UBR4: variants seen among roughly 807,000 people sequenced by gnomAD.
UBR4 encodes E3 ubiquitin-protein ligase UBR4.
Under a neutral mutation model 575.6 loss-of-function variants are expected in UBR4, and 124 were observed. The ratio of observed to expected loss-of-function variants is 0.22; its 90% confidence interval spans 0.19 to 0.25. The LOEUF (loss-of-function observed/expected upper bound fraction) is 0.25, where lower values mean the gene tolerates loss of function less well. Among genes scored for constraint, UBR4 ranks in the 10% least tolerant of loss-of-function variants. The pLI, the probability that UBR4 is intolerant of heterozygous loss-of-function variation, is 1.00. For missense variants in UBR4, 4,818 were observed against 6,478.8 expected, an observed-to-expected ratio of 0.74 and a Z score of 8.80; for synonymous variants, 2,455 against 2,473.7, an observed-to-expected ratio of 0.99 and a Z score of 0.22.
chr1:19,096,599 T>C lies in UBR4; in HGVS notation c.13442A>G (p.Gln4481Arg). Residue 4481 changes from glutamine (Q) to arginine (R), a missense_variant, in exon 92 of 106, where the codon CAG becomes CGG. By Grantham distance (43) the Gln-to-Arg change is conservative. Coordinates refer to ENST00000375254, the MANE Select transcript of UBR4 (RefSeq NM_020765.3). Reference sequence around the variant, plus strand: ...AAGCATGCATTCCAGGCCCCCACACTGGGCCATCACACCAGCCATTTTATA... The same window carrying C: ...AAGCATGCATTCCAGGCCCCCACACCGGGCCATCACACCAGCCATTTTATA... ...EVYKMAGVMA[Q>R]CGGLECMLNR... 2 of 1,613,826 alleles carry C rather than the reference T, an allele frequency of 1.2e-6. No homozygotes were observed. Among genetic ancestry groups the C allele is most frequent in the Non-Finnish European group, 1.7e-6 (2 of 1,179,924 alleles).
At position 19,165,343 on chromosome 1, in the gene UBR4, T is replaced by G. The variant is rs1470028836; in HGVS notation, c.4218A>C (p.Glu1406Asp). 5 of 1,612,600 alleles carry G rather than the reference T, an allele frequency of 3.1e-6. No homozygotes were observed. The highest frequency in any genetic ancestry group is 4.2e-6 in the Non-Finnish European group (5 of 1,179,476). The change falls in exon 31 of 106, where the codon GAA (glutamate) becomes GAC (aspartate). Residue 1406 changes from glutamate to aspartate, a missense_variant. By Grantham distance (45) the Glu-to-Asp change is conservative. Around this residue, in one of 29 missense-constraint regions of UBR4, gnomAD observed 1,172 missense variants for 1,259.7 expected, o/e 0.93. Transcript: ENST00000375254. ...AMEEFFSDSG[E>D]LVQIMMATAN... ...CTGTTGCCATCATGATCTGTACAAG[T>G]TCTCCACTGGGAGGCAAGATGGGAG...
chr1:19,093,228 A>G lies in UBR4; in HGVS notation c.14111+85T>C. The G allele has an allele frequency of 6.5e-7, 1 of 1,527,414 alleles. No individual in the cohort carries two copies. Among genetic ancestry groups the G allele is most frequent in the Non-Finnish European group, 8.9e-7 (1 of 1,126,110 alleles). 94.6% of individuals were successfully genotyped at this position (1,527,414 alleles called of 1,614,324 possible). A position where few individuals can be genotyped will look rare whatever the true frequency, so the allele number is the denominator to read the frequency against. On this transcript the variant is annotated intron_variant, in intron 96 of 105. Transcript: ENST00000375254. The surrounding 1 kb of genome is among the most constrained non-coding windows in gnomAD (Gnocchi z 4.8). ...CAAGGAGGGCAAGGGGCACACGTGA[A>G]GCTTTATGCCAAGATGCTGATGGAG...
rs534913520 is a variant in UBR4, at chr1:19,164,874, G to C, written c.4436C>G (p.Ser1479Cys). 2 of 1,614,188 alleles carry C rather than the reference G, an allele frequency of 1.2e-6. No homozygotes were observed. The highest frequency in any genetic ancestry group is 2.2e-5 in the South Asian group (2 of 91,078). ...TRMTTSPPKD[S>C]DQLDVIQENR... Reference sequence around the variant, plus strand: ...CTCCTGAATTACATCCAGCTGATCAGAATCTTTTGGGGGCGATGTAGTCAT... The same window carrying C: ...CTCCTGAATTACATCCAGCTGATCACAATCTTTTGGGGGCGATGTAGTCAT... The change falls in exon 32 of 106, where the codon TCT becomes TGT. Residue 1479 changes from serine to cysteine, a missense_variant. This residue lies in a region of UBR4 where 1,172 missense variants were observed against 1,259.7 expected (regional missense o/e 0.93). Coordinates refer to ENST00000375254, the MANE Select transcript of UBR4 (RefSeq NM_020765.3).
intron 27 of UBR4, among the ~76,000 whole-genome samples, chr1:19,168,539 G>A (rs1454895507): frequency 3.3e-5 from 5 of 152,036 alleles, no homozygotes; most frequent in Admixed American, 6.5e-5. Context: ...AGTTCTGGGT[G>A]GTGTAAACAG....
chr1:19,176,139 A>G (rs2090237030), intron 20 of UBR4, among the ~76,000 whole-genome samples: 1 of 147,928 alleles, frequency 6.8e-6, no homozygotes, highest in African/African-American at 2.5e-5. Flanking sequence ...CCCAGGCTGG[A>G]GTGCAGTGGT....
chr1:19,118,976 A>C lies in UBR4; in HGVS notation c.10456-19T>G. 6.2e-7 allele frequency: 1 copy of C among 1,611,940 alleles called. No homozygotes were observed. Among genetic ancestry groups the C allele is most frequent in the Non-Finnish European group, 8.5e-7 (1 of 1,178,004 alleles). On this transcript the variant is annotated intron_variant, in intron 70 of 105. Transcript: ENST00000375254. The stretch of plus-strand genomic sequence containing the variant: ...CCTTCAACTGAAACAGAATTCAGTA[A>C]AGAAACAACTTAAAGCCCAAGGTGA...
At chr1:19,193,379 A>G in intron 9 of UBR4, 54 bp downstream of exon 9, 1 of 1,596,290 alleles carries the variant, frequency 6.3e-7, no homozygotes. Flanking sequence ...GGAACTGGCC[A>G]TACTCCCTCA....
chr1:19,088,938 G>C lies in UBR4; in HGVS notation c.14251C>G (p.Leu4751Val). Reference sequence around the variant, plus strand: ...CCCTCATCACTGGACACCTGCTCCAGCTTATGCAGGTTCGGGATGGAATCA... The same window carrying C: ...CCCTCATCACTGGACACCTGCTCCACCTTATGCAGGTTCGGGATGGAATCA... Reference protein sequence around the residue: ...GTDSIPNLHKLEQVSSDEGIG... With the variant: ...GTDSIPNLHKVEQVSSDEGIG... The change falls in exon 98 of 106, where the codon CTG (leucine) becomes GTG (valine). Residue 4751 changes from leucine to valine, a missense_variant. Leu to Val is a conservative substitution (Grantham distance 32). Coordinates refer to ENST00000375254, the MANE Select transcript of UBR4 (RefSeq NM_020765.3). The surrounding 1 kb of genome is among the most constrained non-coding windows in gnomAD (Gnocchi z 4.0). 6.2e-7 allele frequency: 1 copy of C among 1,614,206 alleles called. No homozygotes were observed. The highest frequency in any genetic ancestry group is 8.5e-7 in the Non-Finnish European group (1 of 1,180,050).
chr1:19,120,185 G>C lies in UBR4; in HGVS notation c.10305C>G (p.Ile3435Met), dbSNP rs2081020207. Reference sequence around the variant, plus strand: ...AAACCAAGCCCTGGCCCTACCTGTAGATGTGCAGTGTCAGACAGTGGGCCT... The same window carrying C: ...AAACCAAGCCCTGGCCCTACCTGTACATGTGCAGTGTCAGACAGTGGGCCT... ...RWQAHCLTLH[I>M]YRNSSKSQQE... Residue 3435 changes from isoleucine (I) to methionine (M), a missense_variant, in exon 69 of 106, where the codon ATC (isoleucine) becomes ATG (methionine). Around this residue, in one of 29 missense-constraint regions of UBR4, gnomAD observed 550 missense variants for 791.5 expected, o/e 0.69. Transcript: ENST00000375254. 1.2e-6 allele frequency: 2 copies of C among 1,614,136 alleles called. No individual in the cohort carries two copies. Among genetic ancestry groups the C allele is most frequent in the Non-Finnish European group, 1.7e-6 (2 of 1,179,968 alleles).
At chr1:19,164,101 T>C (rs751909328) in intron 33 of UBR4, 152 bp downstream of exon 33, 3 of 856,416 alleles carry the variant, frequency 3.5e-6, no homozygotes, top group East Asian at 2.7e-5. Flanking sequence ...AAGTCTAAAG[T>C]GAACAGAGCT....
At chr1:19,082,009 C>T (rs1378331981) in intron 102 of UBR4, 4 of 574,856 alleles carry the variant, frequency 7.0e-6, no homozygotes, top group Non-Finnish European at 1.2e-5. Flanking sequence ...CTGGTGGGTC[C>T]ACAGCCTGAC....
At position 19,119,574 on chromosome 1, in the gene UBR4, G is replaced by A. The variant is rs754149289; in HGVS notation, c.10438C>T (p.Pro3480Ser). The A allele has an allele frequency of 1.2e-6, 2 of 1,613,388 alleles. No individual in the cohort carries two copies. Among genetic ancestry groups the A allele is most frequent in the African/African-American group, 1.3e-5 (1 of 74,916 alleles). The change falls in exon 70 of 106, where the codon CCA (proline) becomes TCA (serine). Residue 3480 changes from proline (P) to serine (S), a missense_variant. Physicochemically the swap from Pro to Ser is moderately conservative, Grantham distance 74 (BLOSUM62 -1). Transcript: ENST00000375254. ...DLLGYFSLKT[P>S]QTEKKLKEYS... ...ACTGTTACCTTCTTCTCTGTTTGTG[G>A]AGTTTTCAGGGAGAAATATCCTAGT...
At chr1:19,128,670 A>G (rs1270831247) in intron 61 of UBR4, among the ~76,000 whole-genome samples, 1 of 152,258 alleles carries the variant, frequency 6.6e-6, no homozygotes, top group Non-Finnish European at 1.5e-5. Context: ...AGTGAGTGGA[A>G]GAACAGCTAT....
chr1:19,204,602 T>C (rs1349857243), intron 1 of UBR4, among the ~76,000 whole-genome samples: 2 of 152,044 alleles, frequency 1.3e-5, no homozygotes, highest in Non-Finnish European at 2.9e-5. Context: ...TGTGATCTAA[T>C]GAACCCAACT....
Position 19,196,128 on chromosome 1 carries a change from G to A in UBR4, c.1018+1013C>T, listed in dbSNP as rs542051025. ...ACCTGACTTAAGATTCAACATCAGA[G>A]CTCCTTCATGATTACTGCCTTTCTC... On this transcript the variant is annotated intron_variant, in intron 8 of 105. Coordinates refer to ENST00000375254, the MANE Select transcript of UBR4 (RefSeq NM_020765.3). 2.0e-5 allele frequency among the ~76,000 whole-genome samples: 3 copies of A among 152,184 alleles called. No homozygotes were observed. In the South Asian group the frequency reaches 6.2e-4, roughly 32 times the overall value.
chr1:19,077,844 G>A (rs2076103439), intron 104 of UBR4, 132 bp downstream of exon 104: 6 of 1,555,356 alleles, frequency 3.9e-6, no homozygotes, highest in South Asian at 1.2e-5. Flanking sequence ...GGGGTTGTTT[G>A]TTTCTAGGAA....
At chr1:19,085,221 T>A (rs2076894995) in intron 101 of UBR4, among the ~76,000 whole-genome samples, 1 of 152,252 alleles carries the variant, frequency 6.6e-6, no homozygotes, top group Admixed American at 6.5e-5. Flanking sequence ...CTGTACAATG[T>A]ATACAAGAAT....
chr1:19,081,658 CGTT>C lies in UBR4; in HGVS notation c.15009-88_15009-86del, dbSNP rs550567873. Reference sequence around the variant, plus strand: ...AGCAGGAAGAATTTGCTCAATTTGTCGTTGTCTTGTGACATTTGCTGAACGCTT... The same window carrying C: ...AGCAGGAAGAATTTGCTCAATTTGTCGTCTTGTGACATTTGCTGAACGCTT... On this transcript the variant is annotated intron_variant, in intron 102 of 105. Coordinates refer to ENST00000375254, the MANE Select transcript of UBR4 (RefSeq NM_020765.3). The C allele has an allele frequency of 1.1e-3, 1,609 of 1,468,796 alleles. 1 individual carries two copies. The highest frequency in any genetic ancestry group is 1.4e-3 in the Non-Finnish European group (1,478 of 1,047,840). 91.0% of individuals were successfully genotyped at this position (1,468,796 alleles called of 1,614,324 possible).
chr1:19,143,008 G>A (rs2084149292), intron 55 of UBR4, among the ~76,000 whole-genome samples: 2 of 151,604 alleles, frequency 1.3e-5, no homozygotes, highest in Admixed American at 1.3e-4. Context: ...TATAATCCCA[G>A]CTACTAGGGA....
Sources: allele counts gnomAD v4.1 joint callset (sites outside exome capture counted in the v4.1 genomes callset), GRCh38; gene constraint gnomAD v4.1.1; regional missense constraint gnomAD v4.1.1; non-coding constraint Gnocchi (gnomAD v3.1); transcripts MANE v1.5; gene names NCBI Gene and HGNC (gene_info 2026-07-23, HGNC 2026-07-21).